The following DNAJB6 variants were observed in gnomAD, a reference collection of about 807,000 sequenced individuals.
DNAJB6 encodes the protein dnaJ homolog subfamily B member 6.
Under a neutral mutation model 42.7 loss-of-function variants are expected in DNAJB6, and 16 were observed. That is an observed-to-expected ratio of 0.37 (90% CI 0.25 to 0.57). The LOEUF (loss-of-function observed/expected upper bound fraction) is 0.57, where lower values mean the gene tolerates loss of function less well. Ranked by LOEUF, DNAJB6 falls within the 20% of genes least tolerant of loss-of-function variation. The pLI is 0.74. For missense variants in DNAJB6, 347 were observed against 416.8 expected, an observed-to-expected ratio of 0.83 and a Z score of 1.46; for synonymous variants, 170 against 163.5, an observed-to-expected ratio of 1.04 and a Z score of -0.30.
intron 3 of DNAJB6, among the ~76,000 whole-genome samples, chr7:157,364,462 A>C (rs1029498624): frequency 3.9e-5 from 6 of 152,148 alleles, no homozygotes; most frequent in African/African-American, 1.4e-4. Context: ...ATTTTTTTTA[A>C]AGAGAGAGGA....
chr7:157,384,651 G>A (rs764821621), intron 6 of DNAJB6, among the ~76,000 whole-genome samples: 3 of 152,182 alleles, frequency 2.0e-5, no homozygotes, highest in South Asian at 2.1e-4. Context: ...CTGCACTCTC[G>A]CGTTGCCCTA....
intron 5 of DNAJB6, among the ~76,000 whole-genome samples, chr7:157,370,289 T>G (rs1229906447): frequency 4.0e-5 from 6 of 151,426 alleles, no homozygotes; most frequent in African/African-American, 1.5e-4. Flanking sequence ...ACGTTATTAT[T>G]AAATGGGCCC....
intron 1 of DNAJB6, among the ~76,000 whole-genome samples, chr7:157,358,263 A>G (rs1799408812): frequency 6.6e-6 from 1 of 152,188 alleles, no homozygotes; most frequent in Admixed American, 6.5e-5. Flanking sequence ...AGTGGCACGG[A>G]GTCTCTGCCT....
chr7:157,414,357 C>G (rs541945146), intron 9 of DNAJB6: 1 of 152,316 alleles, frequency 6.6e-6, no homozygotes, highest in Non-Finnish European at 1.5e-5. Flanking sequence ...TGGCTCTGCC[C>G]TGGCCGCCCT....
At chr7:157,343,503 C>G (rs1257604844) in intron 1 of DNAJB6, among the ~76,000 whole-genome samples, 1 of 151,972 alleles carries the variant, frequency 6.6e-6, no homozygotes, top group Non-Finnish European at 1.5e-5. Flanking sequence ...GAGTCTTGCT[C>G]TGTTGCCCCG....
chr7:157,360,768 T>C (rs189748936), intron 2 of DNAJB6, among the ~76,000 whole-genome samples: 3 of 152,330 alleles, frequency 2.0e-5, no homozygotes, highest in African/African-American at 7.2e-5. Context: ...CTTAAAGGTC[T>C]GTGGCTGCCA....
chr7:157,397,221 C>A (rs535531889), intron 8 of DNAJB6, among the ~76,000 whole-genome samples: 1 of 152,186 alleles, frequency 6.6e-6, no homozygotes, highest in Admixed American at 6.5e-5. Flanking sequence ...TGCTAAGCTG[C>A]GCTGAGGTGG....
chr7:157,376,264 GTATA>G (rs758219559), intron 5 of DNAJB6, among the ~76,000 whole-genome samples: 1 of 152,088 alleles, frequency 6.6e-6, no homozygotes, highest in African/African-American at 2.4e-5. Flanking sequence ...ACTGTTCATT[GTATA>G]TATATATTTT....
At chr7:157,396,305 G>A (rs1007439239) in intron 8 of DNAJB6, among the ~76,000 whole-genome samples, 3 of 152,176 alleles carry the variant, frequency 2.0e-5, no homozygotes, top group Non-Finnish European at 4.4e-5. Context: ...TCCCTCCAGC[G>A]CCTCAGCCTA....
chr7:157,409,238 T>C (rs775016798), intron 8 of DNAJB6, among the ~76,000 whole-genome samples: 2 of 151,894 alleles, frequency 1.3e-5, no homozygotes, highest in Non-Finnish European at 2.9e-5. Context: ...CCGTCTTGGG[T>C]GTGTGTGTTG....
chr7:157,403,246 T>G (rs1488550787), intron 8 of DNAJB6, among the ~76,000 whole-genome samples: 1 of 152,152 alleles, frequency 6.6e-6, no homozygotes. Flanking sequence ...TGTGCCTTAG[T>G]CTGGCTCAGT....
chr7:157,342,177 A>AT lies in DNAJB6; in HGVS notation c.-27+5041dup, dbSNP rs1264945084. Among the ~76,000 whole-genome samples the AT allele has an allele frequency of 6.8e-5, 10 of 146,286 alleles. No individual in the cohort carries two copies. The South Asian group carries it at 2.0e-3, about 29-fold the overall frequency. On this transcript the variant is annotated intron_variant, in intron 1 of 9. Transcript: ENST00000262177. ...CTGGCCCTATTTTATTATAATAATAATTTTTTTTGAGACAGGGTCTCACTC... is the reference window on the plus strand; with the variant it reads ...CTGGCCCTATTTTATTATAATAATAATTTTTTTTTGAGACAGGGTCTCACTC...
chr7:157,339,811 G>GA (rs1563103779), intron 1 of DNAJB6: 1 of 152,286 alleles, frequency 6.6e-6, no homozygotes, highest in Non-Finnish European at 1.5e-5. Flanking sequence ...ATTTTTATTA[G>GA]AGACGAGGTT....
intron 8 of DNAJB6, among the ~76,000 whole-genome samples, chr7:157,397,249 C>T (rs554188161): frequency 1.3e-5 from 2 of 152,210 alleles, no homozygotes; most frequent in Non-Finnish European, 2.9e-5. Flanking sequence ...AGCATGTGGC[C>T]TCCACCTCAC....
chr7:157,363,858 C>T (rs1271777699), intron 3 of DNAJB6, among the ~76,000 whole-genome samples: 1 of 152,060 alleles, frequency 6.6e-6, no homozygotes, highest in Non-Finnish European at 1.5e-5. Context: ...CAGCTGTCGC[C>T]TAGATGCAGT....
chr7:157,406,927 A>G (rs1795790696), intron 8 of DNAJB6, among the ~76,000 whole-genome samples: 1 of 152,160 alleles, frequency 6.6e-6, no homozygotes, highest in African/African-American at 2.4e-5. Flanking sequence ...TGGTGGGAGG[A>G]GGCTGGGCTT....
intron 5 of DNAJB6, chr7:157,369,226 C>T (rs1799992438): frequency 4.4e-6 from 2 of 454,816 alleles, no homozygotes; most frequent in South Asian, 3.1e-5. Flanking sequence ...ACCATGTTTA[C>T]ATCCGTCCTT....
At position 157,406,081 on chromosome 7, in the gene DNAJB6, G is replaced by T. The variant is rs187113672; in HGVS notation, c.692-3714G>T. Among the ~76,000 whole-genome samples, 70 of 152,356 alleles carry T rather than the reference G, an allele frequency of 4.6e-4. No homozygotes were observed. The East Asian group carries it at 7.1e-3, about 16-fold the overall frequency. ...CTGAACAGATAGAACCATCGAGGCC[G>T]AATCGGGCAGTCCTCCTGTTCAGAC... On this transcript the variant is annotated intron_variant, in intron 8 of 9. Transcript: ENST00000262177.
At chr7:157,394,509 T>C (rs1020596174) in intron 8 of DNAJB6, among the ~76,000 whole-genome samples, 3 of 149,918 alleles carry the variant, frequency 2.0e-5, no homozygotes, top group African/African-American at 5.0e-5. Context: ...AGTCTGGTGA[T>C]GGAGTGAGAC....
Sources: gnomAD v4.1 joint callset for allele counts (sites outside exome capture counted in the v4.1 genomes callset) on GRCh38, gnomAD v4.1.1 for gene constraint, MANE v1.5 for transcripts, NCBI Gene and HGNC (gene_info 2026-07-23, HGNC 2026-07-21) for gene names.